Variants in NALF1 observed in about 807,000 individuals in gnomAD.
NALF1 encodes the protein family with sequence similarity 155 member A.
A neutral mutation model predicts 48.4 loss-of-function variants in NALF1; 3 were observed. The ratio of observed to expected loss-of-function variants is 0.06; its 90% confidence interval spans 0.03 to 0.16. NALF1 has a LOEUF of 0.16. Ranked by LOEUF, NALF1 falls within the 10% of genes least tolerant of loss-of-function variation. The pLI is 1.00. For synonymous variants in NALF1, 262 were observed against 245.7 expected (o/e 1.07, Z -0.62); for missense variants, 526 against 571.5 (o/e 0.92, Z 0.81).
At chr13:107,275,090 T>C (rs1180009435) in intron 1 of NALF1, among the ~76,000 whole-genome samples, 1 of 152,200 alleles carries the variant, frequency 6.6e-6, no homozygotes, top group Non-Finnish European at 1.5e-5. Context: ...ATGATACGTA[T>C]AAGACATGCA....
intron 1 of NALF1, among the ~76,000 whole-genome samples, chr13:107,340,861 A>G (rs1882667115): frequency 6.6e-6 from 1 of 152,182 alleles, no homozygotes; most frequent in Non-Finnish European, 1.5e-5. Context: ...CAGCCTTTCA[A>G]CAACTATATC....
intron 1 of NALF1, among the ~76,000 whole-genome samples, chr13:107,681,884 G>T (rs1200611030): frequency 6.6e-6 from 1 of 152,112 alleles, no homozygotes; most frequent in East Asian, 1.9e-4. Context: ...GAGTGGCCTC[G>T]TTATTCCTCC....
intron 1 of NALF1, among the ~76,000 whole-genome samples, chr13:107,336,615 C>T (rs1481482424): frequency 6.6e-6 from 1 of 152,074 alleles, no homozygotes; most frequent in African/African-American, 2.4e-5. Flanking sequence ...CACTCTCAAC[C>T]AACCCTGTCC....
At chr13:107,544,565 T>C (rs1327236713) in intron 1 of NALF1, among the ~76,000 whole-genome samples, 1 of 152,142 alleles carries the variant, frequency 6.6e-6, no homozygotes, top group Non-Finnish European at 1.5e-5. Flanking sequence ...CTTAGACAAG[T>C]TTAGAACCCC....
chr13:107,642,253 A>G (rs1880180430), intron 1 of NALF1, among the ~76,000 whole-genome samples: 2 of 152,220 alleles, frequency 1.3e-5, no homozygotes, highest in Admixed American at 6.5e-5. Flanking sequence ...GTGAAGGCAG[A>G]GTTTCACTTA....
chr13:107,855,952 G>A (rs1880431721), intron 1 of NALF1, among the ~76,000 whole-genome samples: 1 of 151,894 alleles, frequency 6.6e-6, no homozygotes, highest in Admixed American at 6.6e-5. Flanking sequence ...CTATTATCCA[G>A]GCTGGAGTAC....
chr13:107,387,369 G>A (rs1414290822), intron 1 of NALF1, among the ~76,000 whole-genome samples: 4 of 152,072 alleles, frequency 2.6e-5, no homozygotes, highest in Non-Finnish European at 5.9e-5. Flanking sequence ...CAAGCAGCAG[G>A]TTCCTTCATT....
chr13:107,463,841 A>G (rs931448668), intron 1 of NALF1, among the ~76,000 whole-genome samples: 3 of 152,224 alleles, frequency 2.0e-5, no homozygotes, highest in African/African-American at 7.2e-5. Flanking sequence ...CTTACATCAA[A>G]TCAGAAACTG....
chr13:107,665,325 A>G (rs76844317), intron 1 of NALF1, among the ~76,000 whole-genome samples: 133 of 152,290 alleles, frequency 8.7e-4, no homozygotes, highest in African/African-American at 3.1e-3. Flanking sequence ...AGTGTTGAGA[A>G]TGTCTCTAAA....
At chr13:107,327,732 C>A in intron 1 of NALF1, among the ~76,000 whole-genome samples, 1 of 152,124 alleles carries the variant, frequency 6.6e-6, no homozygotes, top group East Asian at 1.9e-4. Context: ...TACCAGCATT[C>A]AAATGGCTAA....
intron 1 of NALF1, among the ~76,000 whole-genome samples, chr13:107,479,598 T>C (rs1381076781): frequency 6.6e-6 from 1 of 151,860 alleles, no homozygotes; most frequent in Non-Finnish European, 1.5e-5. Flanking sequence ...TTCTAAACAA[T>C]TAAAGTACTA....
At chr13:107,363,677 T>A (rs1883104306) in intron 1 of NALF1, among the ~76,000 whole-genome samples, 1 of 152,222 alleles carries the variant, frequency 6.6e-6, no homozygotes, top group African/African-American at 2.4e-5. Context: ...TTTGGCTTGC[T>A]TATGTTTAAG....
chr13:107,495,647 T>C (rs2139073217), intron 1 of NALF1, among the ~76,000 whole-genome samples: 1 of 152,332 alleles, frequency 6.6e-6, no homozygotes, highest in South Asian at 2.1e-4. Context: ...TTGTGGTTAC[T>C]GTTCAGTTTC....
chr13:107,186,553 A>C (rs925756093), intron 2 of NALF1, among the ~76,000 whole-genome samples: 1 of 152,082 alleles, frequency 6.6e-6, no homozygotes, highest in Non-Finnish European at 1.5e-5. Flanking sequence ...ATTTTAGTAG[A>C]GATGGGGTTT....
At chr13:107,313,640 T>C (rs191885747) in intron 1 of NALF1, among the ~76,000 whole-genome samples, 2 of 152,236 alleles carry the variant, frequency 1.3e-5, no homozygotes, top group East Asian at 3.9e-4. Context: ...CAAATGCATA[T>C]CTGATTGTTT....
At chr13:107,493,096 A>AT (rs1214146268) in intron 1 of NALF1, among the ~76,000 whole-genome samples, 3 of 152,134 alleles carry the variant, frequency 2.0e-5, no homozygotes, top group African/African-American at 7.2e-5. Context: ...TTATCTTCTC[A>AT]TGATAGCCCT....
At chr13:107,531,662 G>A (rs1265567291) in intron 1 of NALF1, among the ~76,000 whole-genome samples, 2 of 151,696 alleles carry the variant, frequency 1.3e-5, no homozygotes, top group African/African-American at 4.8e-5. Context: ...CACATTAAAT[G>A]TTTGTATTTT....
At chr13:107,639,134 T>C (rs1039926612) in intron 1 of NALF1, among the ~76,000 whole-genome samples, 1 of 152,244 alleles carries the variant, frequency 6.6e-6, no homozygotes, top group African/African-American at 2.4e-5. Context: ...GATAATTTAC[T>C]TAATATAAGG....
chr13:107,313,987 T>C (rs756353951), intron 1 of NALF1, among the ~76,000 whole-genome samples: 7 of 152,178 alleles, frequency 4.6e-5, no homozygotes, highest in Non-Finnish European at 7.3e-5. Context: ...GTCCTTAACC[T>C]TGGCAAGATA....
Sources: allele counts gnomAD v4.1 joint callset (sites outside exome capture counted in the v4.1 genomes callset), GRCh38; gene constraint gnomAD v4.1.1; transcripts MANE v1.5; gene names NCBI Gene and HGNC (gene_info 2026-07-23, HGNC 2026-07-21).